The following PTPRK variants were observed in gnomAD, a reference collection of about 807,000 sequenced individuals.
PTPRK encodes the protein protein tyrosine phosphatase receptor type K, also known as receptor-type tyrosine-protein phosphatase kappa.
PTPRK carries 75 observed loss-of-function variants against 178.0 expected under a neutral mutation model. The observed-to-expected ratio is 0.42, with a 90% CI of 0.35 to 0.51. PTPRK has a LOEUF of 0.51. PTPRK is among the 20% of genes least tolerant of loss of function. The pLI is 0.02. For missense variants in PTPRK, 1,441 were observed against 1,797.8 expected (o/e 0.80, Z 3.59); for synonymous variants, 637 against 620.6 (o/e 1.03, Z -0.39).
intron 6 of PTPRK, among the ~76,000 whole-genome samples, chr6:128,185,222 G>T (rs187684107): frequency 6.6e-6 from 1 of 152,168 alleles, no homozygotes; most frequent in East Asian, 1.9e-4. Context: ...CTACAAATCT[G>T]CCTCACAGTG....
chr6:128,481,756 C>T (rs924014770), intron 1 of PTPRK, among the ~76,000 whole-genome samples: 4 of 151,928 alleles, frequency 2.6e-5, no homozygotes, highest in Admixed American at 2.6e-4. Context: ...TAGTCTTCAT[C>T]CTCTACCAAG....
chr6:128,052,791 AT>A (rs1779240702), intron 13 of PTPRK, among the ~76,000 whole-genome samples: 1 of 152,138 alleles, frequency 6.6e-6, no homozygotes, highest in Non-Finnish European at 1.5e-5. Flanking sequence ...TTCTCTATTT[AT>A]ATCAGTAAGG....
At chr6:128,080,305 G>A (rs1189414903) in intron 10 of PTPRK, among the ~76,000 whole-genome samples, 6 of 151,978 alleles carry the variant, frequency 3.9e-5, no homozygotes, top group Non-Finnish European at 8.8e-5. Flanking sequence ...GAAGGACCCT[G>A]AATGCCAACA....
chr6:128,511,201 G>T (rs1166416462), intron 1 of PTPRK, among the ~76,000 whole-genome samples: 3 of 152,154 alleles, frequency 2.0e-5, no homozygotes, highest in African/African-American at 7.2e-5. Context: ...GACACAAATT[G>T]CCTCTTTCCT....
chr6:128,144,020 A>C (rs1176407606), intron 7 of PTPRK, among the ~76,000 whole-genome samples: 1 of 152,004 alleles, frequency 6.6e-6, no homozygotes, highest in Non-Finnish European at 1.5e-5. Context: ...CTCCTCTCTT[A>C]ATTACTTTTC....
intron 29 of PTPRK, among the ~76,000 whole-genome samples, chr6:127,972,643 A>T (rs1774059351): frequency 6.6e-6 from 1 of 152,234 alleles, no homozygotes; most frequent in South Asian, 2.1e-4. Flanking sequence ...ATTGCCTTTT[A>T]AAAATACTGG....
intron 25 of PTPRK, among the ~76,000 whole-genome samples, chr6:127,980,190 G>C (rs1775138744): frequency 6.6e-6 from 1 of 152,194 alleles, no homozygotes; most frequent in African/African-American, 2.4e-5. Context: ...CATGCCTGTA[G>C]TCCCAGCTAC....
chr6:128,279,212 T>TAA (rs58937614), intron 3 of PTPRK, among the ~76,000 whole-genome samples: 46 of 145,508 alleles, frequency 3.2e-4, no homozygotes, highest in African/African-American at 1.1e-3. Context: ...GAGGTTAAAT[T>TAA]AAAAAAAAAA....
chr6:128,374,308 T>G (rs2128350671), intron 2 of PTPRK, among the ~76,000 whole-genome samples: 1 of 152,302 alleles, frequency 6.6e-6, no homozygotes, highest in East Asian at 1.9e-4. Context: ...CATTGTGATT[T>G]CATCCAGTCT....
intron 1 of PTPRK, among the ~76,000 whole-genome samples, chr6:128,423,250 A>G (rs1189137279): frequency 6.6e-6 from 1 of 152,204 alleles, no homozygotes; most frequent in Non-Finnish European, 1.5e-5. Flanking sequence ...TTTGAGAAGA[A>G]GAAAATAGGA....
chr6:128,180,979 C>A (rs920031042), intron 7 of PTPRK, among the ~76,000 whole-genome samples: 1 of 152,120 alleles, frequency 6.6e-6, no homozygotes, highest in African/African-American at 2.4e-5. Context: ...GGACAAGTTA[C>A]TGTTTTGTTT....
At chr6:128,279,433 T>A (rs961338608) in intron 3 of PTPRK, among the ~76,000 whole-genome samples, 5 of 152,152 alleles carry the variant, frequency 3.3e-5, no homozygotes, top group Non-Finnish European at 5.9e-5. Flanking sequence ...ACAAAATAAC[T>A]GGACTCATTC....
At chr6:128,126,124 T>G (rs1331026584) in intron 7 of PTPRK, among the ~76,000 whole-genome samples, 3 of 151,940 alleles carry the variant, frequency 2.0e-5, no homozygotes, top group Non-Finnish European at 4.4e-5. Flanking sequence ...TAGGTATACA[T>G]GTACCATGGT....
intron 7 of PTPRK, among the ~76,000 whole-genome samples, chr6:128,096,349 T>G (rs182852354): frequency 6.6e-6 from 1 of 152,310 alleles, no homozygotes; most frequent in East Asian, 1.9e-4. Context: ...CAAGATGATT[T>G]AACACGTGGT....
chr6:128,156,489 G>C (rs2114585018), intron 7 of PTPRK, among the ~76,000 whole-genome samples: 2 of 152,006 alleles, frequency 1.3e-5, no homozygotes, highest in South Asian at 4.1e-4. Flanking sequence ...GCAAGAGAGA[G>C]AGAGAGACAG....
chr6:128,353,235 G>A (rs1430903052), intron 2 of PTPRK, among the ~76,000 whole-genome samples: 1 of 152,170 alleles, frequency 6.6e-6, no homozygotes, highest in Non-Finnish European at 1.5e-5. Context: ...AAATGCTGGT[G>A]AAGATGGATT....
At chr6:128,477,352 G>A (rs1475666534) in intron 1 of PTPRK, among the ~76,000 whole-genome samples, 1 of 151,648 alleles carries the variant, frequency 6.6e-6, no homozygotes, top group Non-Finnish European at 1.5e-5. Context: ...GTAACTAGCA[G>A]ATGTATTATA....
At chr6:128,243,488 T>TAAAAAAAA (rs760606919) in intron 3 of PTPRK, among the ~76,000 whole-genome samples, 1 of 59,130 alleles carries the variant, frequency 1.7e-5, no homozygotes, top group Non-Finnish European at 3.7e-5. Context: ...AGCCTGTCGC[T>TAAAAAAAA]AAAAAAAAAA....
intron 1 of PTPRK, among the ~76,000 whole-genome samples, chr6:128,408,758 T>C (rs1366031679): frequency 1.3e-5 from 2 of 152,178 alleles, no homozygotes; most frequent in African/African-American, 4.8e-5. Flanking sequence ...TCTTTTTAGA[T>C]GAACCCAATG....
Sources: allele counts gnomAD v4.1 joint callset (sites outside exome capture counted in the v4.1 genomes callset), GRCh38; gene constraint gnomAD v4.1.1; transcripts MANE v1.5; gene names NCBI Gene and HGNC (gene_info 2026-07-23, HGNC 2026-07-21).